The following SLC9A9 variants were observed in gnomAD, a reference collection of about 807,000 sequenced individuals.
SLC9A9 encodes sodium/hydrogen exchanger 9.
Under a neutral mutation model 77.8 loss-of-function variants are expected in SLC9A9, and 62 were observed. The ratio of observed to expected loss-of-function variants is 0.80; its 90% CI spans 0.65 to 0.98. The LOEUF is 0.98. Among genes scored for constraint, SLC9A9 ranks in the 50% least tolerant of loss-of-function variants. The pLI, the probability that SLC9A9 is intolerant of heterozygous loss-of-function variation, is 0.00. For synonymous variants in SLC9A9, 320 were observed against 283.5 expected (o/e 1.13, Z -1.29); for missense variants, 775 against 774.9 (o/e 1.00, Z 0.00).
intron 9 of SLC9A9, among the ~76,000 whole-genome samples, chr3:143,509,003 T>G (rs1351303887): frequency 6.6e-6 from 1 of 152,100 alleles, no homozygotes; most frequent in Non-Finnish European, 1.5e-5. Context: ...ACAAAGAAAA[T>G]AAAAAGCTAC....
intron 6 of SLC9A9, among the ~76,000 whole-genome samples, chr3:143,587,558 GGGAGTCAGGCT>G (rs1001567071): frequency 6.6e-6 from 1 of 152,246 alleles, no homozygotes; most frequent in African/African-American, 2.4e-5. Context: ...GGACAGTGGT[GGGAGTCAGGCT>G]GGAGTCAGGC....
intron 14 of SLC9A9, among the ~76,000 whole-genome samples, chr3:143,341,545 C>T (rs7642361): frequency 0.21 from 31,750 of 147,904 alleles, 3,572 homozygotes; most frequent in Middle Eastern, 0.28. Flanking sequence ...TTGCTTGCCA[C>T]GGTAGGAAAA....
At chr3:143,787,986 C>A (rs911208428) in intron 4 of SLC9A9, among the ~76,000 whole-genome samples, 2 of 151,988 alleles carry the variant, frequency 1.3e-5, no homozygotes, top group Admixed American at 1.3e-4. Context: ...ACAAGATATA[C>A]AGACTTATTA....
chr3:143,601,667 C>T (rs2037846757), intron 6 of SLC9A9, among the ~76,000 whole-genome samples: 1 of 152,234 alleles, frequency 6.6e-6, no homozygotes, highest in Admixed American at 6.5e-5. Flanking sequence ...GGTGCCAACT[C>T]AGCGCTGCAG....
intron 9 of SLC9A9, among the ~76,000 whole-genome samples, chr3:143,504,577 A>C (rs1172822182): frequency 6.6e-6 from 1 of 152,332 alleles, no homozygotes; most frequent in African/African-American, 2.4e-5. Context: ...GGTAAAGTGC[A>C]ATCTTTGGAG....
chr3:143,519,610 C>G (rs2036261869), intron 9 of SLC9A9, among the ~76,000 whole-genome samples: 1 of 152,138 alleles, frequency 6.6e-6, no homozygotes, highest in Admixed American at 6.5e-5. Context: ...ATTCTAGCTA[C>G]TCTATTAAGA....
chr3:143,647,113 G>A (rs1184893162), intron 6 of SLC9A9, among the ~76,000 whole-genome samples: 1 of 152,110 alleles, frequency 6.6e-6, no homozygotes, highest in Non-Finnish European at 1.5e-5. Flanking sequence ...TGACCCACCA[G>A]GCCCTGATTT....
At chr3:143,659,757 T>C (rs932848147) in intron 5 of SLC9A9, among the ~76,000 whole-genome samples, 5 of 152,224 alleles carry the variant, frequency 3.3e-5, no homozygotes, top group African/African-American at 1.2e-4. Flanking sequence ...AAAGGAGTTT[T>C]GCAGGTGTAA....
At chr3:143,387,772 C>T (rs1422358729) in intron 12 of SLC9A9, among the ~76,000 whole-genome samples, 3 of 130,804 alleles carry the variant, frequency 2.3e-5, no homozygotes. Flanking sequence ...TGCTCTTATA[C>T]CCAACCATAG....
chr3:143,715,693 G>C (rs16854180), intron 4 of SLC9A9, among the ~76,000 whole-genome samples: 3,952 of 152,188 alleles, frequency 0.026, 163 homozygotes, highest in African/African-American at 0.089. Context: ...AGTGGGGAGA[G>C]GAAGAATTAG....
intron 4 of SLC9A9, among the ~76,000 whole-genome samples, chr3:143,740,219 T>C (rs1935043455): frequency 6.6e-6 from 1 of 152,156 alleles, no homozygotes; most frequent in South Asian, 2.1e-4. Context: ...GAGAGAAGCA[T>C]TGCTACTTTA....
At chr3:143,765,383 T>A (rs1259547971) in intron 4 of SLC9A9, among the ~76,000 whole-genome samples, 1 of 152,118 alleles carries the variant, frequency 6.6e-6, no homozygotes, top group Admixed American at 6.6e-5. Context: ...CGTATGAGTG[T>A]CACACTGTCG....
intron 2 of SLC9A9, among the ~76,000 whole-genome samples, chr3:143,823,499 A>G (rs1434263817): frequency 6.6e-6 from 1 of 152,194 alleles, no homozygotes; most frequent in Non-Finnish European, 1.5e-5. Context: ...CTCAGAATAC[A>G]GAATTTAAGA....
chr3:143,566,242 C>T (rs1193797043), intron 8 of SLC9A9, among the ~76,000 whole-genome samples: 1 of 152,150 alleles, frequency 6.6e-6, no homozygotes, highest in Non-Finnish European at 1.5e-5. Context: ...TTGACAAATA[C>T]ATAGCACCTG....
chr3:143,610,521 C>T (rs1319129063), intron 6 of SLC9A9, among the ~76,000 whole-genome samples: 4 of 152,202 alleles, frequency 2.6e-5, no homozygotes, highest in African/African-American at 7.2e-5. Context: ...AATATCCAAT[C>T]TGTTTCTCTG....
chr3:143,836,588 A>G (rs1354221572), intron 1 of SLC9A9, among the ~76,000 whole-genome samples: 1 of 152,202 alleles, frequency 6.6e-6, no homozygotes, highest in Non-Finnish European at 1.5e-5. Context: ...TGATAGCATG[A>G]TGTTTGTGAG....
At chr3:143,454,352 T>A (rs2035053225) in intron 12 of SLC9A9, among the ~76,000 whole-genome samples, 1 of 152,206 alleles carries the variant, frequency 6.6e-6, no homozygotes, top group South Asian at 2.1e-4. Context: ...TTTCATGATT[T>A]TTTCTTTTAT....
chr3:143,683,127 G>A (rs140908418), intron 5 of SLC9A9, among the ~76,000 whole-genome samples: 8 of 152,218 alleles, frequency 5.3e-5, no homozygotes, highest in African/African-American at 1.9e-4. Context: ...TTATTTATGG[G>A]TGCATTATTT....
intron 12 of SLC9A9, among the ~76,000 whole-genome samples, chr3:143,412,024 G>C (rs2034105408): frequency 6.6e-6 from 1 of 152,130 alleles, no homozygotes; most frequent in South Asian, 2.1e-4. Context: ...CAGTCCGGGA[G>C]GGCCAGTAGT....
Sources: gnomAD v4.1 joint callset for allele counts (sites outside exome capture counted in the v4.1 genomes callset) on GRCh38, gnomAD v4.1.1 for gene constraint, MANE v1.5 for transcripts, NCBI Gene and HGNC (gene_info 2026-07-23, HGNC 2026-07-21) for gene names.